The following PLCE1 variants were observed in gnomAD, a reference collection of about 807,000 sequenced individuals.
The protein encoded by PLCE1 is 1-phosphatidylinositol 4,5-bisphosphate phosphodiesterase epsilon-1.
PLCE1 carries 119 observed loss-of-function variants against 242.8 expected under a neutral mutation model. The ratio of observed to expected loss-of-function variants is 0.49; its 90% CI spans 0.42 to 0.57. The LOEUF is 0.57. Among genes scored for constraint, PLCE1 ranks in the 20% least tolerant of loss-of-function variants. The pLI is 0.00. For synonymous variants in PLCE1, 945 were observed against 1,017.4 expected (o/e 0.93, Z 1.35); for missense variants, 2,441 against 2,788.8 (o/e 0.88, Z 2.81).
chr10:94,088,902 T>C (rs2044948772), intron 2 of PLCE1: 1 of 462,844 alleles, frequency 2.2e-6, no homozygotes, highest in Non-Finnish European at 3.7e-6. Flanking sequence ...CGCAAGGACA[T>C]TTTTTTGTAA....
Position 94,313,524 on chromosome 10 carries a change from T to C in PLCE1, c.6132+142T>C, listed in dbSNP as rs1363833948. 3.2e-6 allele frequency: 3 copies of C among 951,200 alleles called. No individual in the cohort carries two copies. The Admixed American group carries it at 5.6e-5, about 18-fold the overall frequency. The allele number at this position is 951,200 out of a possible 1,614,324, so 58.9% of individuals were successfully genotyped here. ...ATGTGGATGATATGCCTTTTGATTA[T>C]TTGGAAATGTGTTATTCAACATTGA... On this transcript the variant is annotated intron_variant, in intron 28 of 32. Transcript: ENST00000371380.
In PLCE1 at chr10:94,172,116, C is replaced by T. The variant is rs1157894309; in HGVS notation, c.1809+620C>T. Among the ~76,000 whole-genome samples the T allele has an allele frequency of 3.3e-5, 5 of 152,116 alleles. No homozygotes were observed. The East Asian group carries it at 9.6e-4, about 29-fold the overall frequency. On this transcript the variant is annotated intron_variant, in intron 4 of 32. Coordinates refer to ENST00000371380, the MANE Select transcript of PLCE1 (RefSeq NM_016341.4). ...CAGGTGTGACTGGAGTCTGGGAATA[C>T]TTAGGACAAAGCCATTGCGTGGGGG...
intron 8 of PLCE1, among the ~76,000 whole-genome samples, chr10:94,250,235 C>G (rs776891634): frequency 3.3e-4 from 50 of 151,902 alleles, no homozygotes; most frequent in Non-Finnish European, 5.6e-4. Flanking sequence ...GGTGCGGTGG[C>G]TCAGAGCTGT....
At chr10:94,137,935 C>A in intron 3 of PLCE1, 1 of 389,420 alleles carries the variant, frequency 2.6e-6, no homozygotes, top group Non-Finnish European at 5.1e-6. Flanking sequence ...TGACCAAGTA[C>A]CACAGTGATG....
chr10:94,135,370 G>A (rs2901761), intron 3 of PLCE1, among the ~76,000 whole-genome samples: 58,597 of 151,988 alleles, frequency 0.39, 12,660 homozygotes, highest in East Asian at 0.56. Flanking sequence ...TGATGGCCAT[G>A]TACTCTGCCA....
intron 4 of PLCE1, among the ~76,000 whole-genome samples, chr10:94,215,711 T>C (rs1216441675): frequency 2.0e-5 from 3 of 151,990 alleles, no homozygotes; most frequent in Non-Finnish European, 2.9e-5. Flanking sequence ...AAAGGAAAGT[T>C]AGTGAAGGAA....
chr10:94,007,571 CTCTCTTTT>C (rs1381339594), intron 1 of PLCE1, among the ~76,000 whole-genome samples: 1 of 127,504 alleles, frequency 7.8e-6, no homozygotes, highest in Admixed American at 8.4e-5. Flanking sequence ...TACATTCTCT[CTCTCTTTT>C]TTTTTTTTTT....
rs1283821165 is a variant in PLCE1 at position 94,132,478 on chromosome 10, C to CT, written c.1492+23dup. The CT allele has an allele frequency of 6.2e-7, 1 of 1,609,474 alleles. No homozygotes were observed. The highest frequency in any genetic ancestry group is 1.1e-5 in the South Asian group (1 of 90,968). The stretch of plus-strand genomic sequence containing the variant: ...CTGAAAGGTAATGCCTGAAATTTCA[C>CT]TTTTAACTTTCTATCTTTGACTACA... On this transcript the variant is annotated intron_variant, in intron 3 of 32. Transcript: ENST00000371380.
intron 5 of PLCE1, among the ~76,000 whole-genome samples, chr10:94,229,913 T>A (rs1465189357): frequency 6.6e-6 from 1 of 152,226 alleles, no homozygotes; most frequent in Non-Finnish European, 1.5e-5. Context: ...ACAGCTATTC[T>A]GTACACAGGA....
At position 94,298,879 on chromosome 10, in the gene PLCE1, G is replaced by A. The variant is rs117607728; in HGVS notation, c.5458+210G>A. On this transcript the variant is annotated intron_variant, in intron 24 of 32. Coordinates refer to ENST00000371380, the MANE Select transcript of PLCE1 (RefSeq NM_016341.4). This position sits in a 1 kb window ranked among gnomAD's most constrained non-coding sequence, Gnocchi z 5.2. ...GGTGATAGAAAAGAATCTTGAAGGG[G>A]CCTGTAAGGTCTCCTGGTCCTGCCC... is the stretch of plus-strand genomic sequence containing the variant. Among the ~76,000 whole-genome samples, 11 of 152,174 alleles carry A rather than the reference G, an allele frequency of 7.2e-5. No individual in the cohort carries two copies. The highest frequency in any genetic ancestry group is 1.3e-4 in the Non-Finnish European group (9 of 68,028).
At chr10:94,270,652 A>G (rs1452846223) in intron 18 of PLCE1, 50 bp downstream of exon 18, 5 of 1,090,052 alleles carry the variant, frequency 4.6e-6, no homozygotes, top group East Asian at 2.4e-5. Flanking sequence ...TTGTTTTGCA[A>G]TTGTCATTGG....
chr10:94,035,063 C>T (rs969238777), intron 2 of PLCE1, among the ~76,000 whole-genome samples: 2 of 152,106 alleles, frequency 1.3e-5, no homozygotes, highest in African/African-American at 4.8e-5. Flanking sequence ...AGACAAGGAG[C>T]CCCTCACCAG....
chr10:94,278,037 C>T (rs142285999), intron 19 of PLCE1, among the ~76,000 whole-genome samples: 58 of 152,218 alleles, frequency 3.8e-4, no homozygotes, highest in African/African-American at 1.3e-3. Context: ...CAGCCTAGAC[C>T]ATGTCCAGTT....
chr10:94,222,907 C>T (rs182299147), intron 4 of PLCE1, among the ~76,000 whole-genome samples: 1 of 152,114 alleles, frequency 6.6e-6, no homozygotes, highest in African/African-American at 2.4e-5. Context: ...CGTGGGTTTA[C>T]AAGGGATAAA....
Position 94,031,583 on chromosome 10 carries a change from C to A in PLCE1, c.537C>A (p.His179Gln), listed in dbSNP as rs771355101. 1.9e-6 allele frequency: 3 copies of A among 1,612,280 alleles called. No individual in the cohort carries two copies. The highest frequency in any genetic ancestry group is 8.5e-7 in the Non-Finnish European group (1 of 1,179,596). The change falls in exon 2 of 33, where the codon CAC becomes CAA. Residue 179 changes from histidine to glutamine, a missense_variant. This residue lies in a region of PLCE1 where 393 missense variants were observed against 378.5 expected (regional missense o/e 1.04). Coordinates refer to ENST00000371380, the MANE Select transcript of PLCE1 (RefSeq NM_016341.4). The part of the protein sequence containing the change: ...QSVIIETGRA[H>Q]PDSRRAVFHF... ...TGATCATAGAGACAGGCAGAGCACA[C>A]CCTGACAGCAGAAGGGCAGTATTTC...
intron 2 of PLCE1, among the ~76,000 whole-genome samples, chr10:94,113,738 T>A (rs1351200739): frequency 6.6e-6 from 1 of 152,134 alleles, no homozygotes; most frequent in Non-Finnish European, 1.5e-5. Context: ...AATGTGACGA[T>A]GCGGGAATGG....
At chr10:94,067,185 C>T (rs903945092) in intron 2 of PLCE1, among the ~76,000 whole-genome samples, 11 of 152,164 alleles carry the variant, frequency 7.2e-5, no homozygotes, top group Non-Finnish European at 1.2e-4. Flanking sequence ...TCTGCTGGAT[C>T]TTCCTAACAT....
intron 1 of PLCE1, among the ~76,000 whole-genome samples, chr10:94,011,074 T>C (rs1423755730): frequency 6.6e-6 from 1 of 152,164 alleles, no homozygotes; most frequent in African/African-American, 2.4e-5. Flanking sequence ...TATAAAGAAA[T>C]GCCTGAGGCT....
At chr10:94,057,951 C>T (rs1283326162) in intron 2 of PLCE1, among the ~76,000 whole-genome samples, 4 of 152,178 alleles carry the variant, frequency 2.6e-5, no homozygotes, top group African/African-American at 9.7e-5. Context: ...CACTTCTATT[C>T]TATTCACCTT....
Sources: gnomAD v4.1 joint callset for allele counts (sites outside exome capture counted in the v4.1 genomes callset) on GRCh38, gnomAD v4.1.1 for gene constraint, gnomAD v4.1.1 regional missense constraint, Gnocchi (gnomAD v3.1) non-coding constraint, MANE v1.5 for transcripts, NCBI Gene and HGNC (gene_info 2026-07-23, HGNC 2026-07-21) for gene names.